MYO1D: variants seen among roughly 807,000 people sequenced by gnomAD.
MYO1D encodes myosin ID.
A neutral mutation model predicts 122.0 loss-of-function variants in MYO1D; 83 were observed. The observed-to-expected ratio is 0.68, with a 90% confidence interval of 0.57 to 0.82. The LOEUF (loss-of-function observed/expected upper bound fraction) is 0.82. MYO1D is among the 40% of genes least tolerant of loss of function. The pLI, the probability that MYO1D is intolerant of heterozygous loss-of-function variation, is 0.00. For synonymous variants in MYO1D, 464 were observed against 446.9 expected (o/e 1.04, Z -0.48); for missense variants, 1,157 against 1,269.5 (o/e 0.91, Z 1.35).
chr17:32,614,852 C>T (rs773792516), intron 20 of MYO1D, among the ~76,000 whole-genome samples: 1 of 152,200 alleles, frequency 6.6e-6, no homozygotes, highest in Non-Finnish European at 1.5e-5. Context: ...TCAGAGGGGT[C>T]GTGTGCAGGT....
chr17:32,825,132 A>G (rs1329524016), intron 1 of MYO1D, among the ~76,000 whole-genome samples: 2 of 152,220 alleles, frequency 1.3e-5, no homozygotes, highest in Non-Finnish European at 2.9e-5. Flanking sequence ...TGAAAATGTG[A>G]TATTAGAAAT....
chr17:32,706,645 CAGCT>C (rs2150983649), intron 16 of MYO1D, among the ~76,000 whole-genome samples: 1 of 152,158 alleles, frequency 6.6e-6, no homozygotes, highest in East Asian at 1.9e-4. Flanking sequence ...AAAATTAAAA[CAGCT>C]AGTTATTCGC....
chr17:32,789,418 G>A (rs1163516205), intron 1 of MYO1D, among the ~76,000 whole-genome samples: 4 of 152,020 alleles, frequency 2.6e-5, no homozygotes, highest in African/African-American at 9.7e-5. Flanking sequence ...ACAGATGTGA[G>A]GTATCTGATA....
chr17:32,776,039 A>G lies in MYO1D; in HGVS notation c.399-10T>C, dbSNP rs372864122. On this transcript the variant is annotated splice_polypyrimidine_tract_variant and intron_variant, in intron 3 of 21. Coordinates refer to ENST00000318217, the MANE Select transcript of MYO1D (RefSeq NM_015194.3). ...CAACATATTCTTCACTCTTTAACACAGATAAATGAAAGTCATTATAAAAAC... is the reference window on the plus strand; with the variant it reads ...CAACATATTCTTCACTCTTTAACACGGATAAATGAAAGTCATTATAAAAAC... 5 of 1,603,988 alleles carry G rather than the reference A, an allele frequency of 3.1e-6. No individual in the cohort carries two copies. Among genetic ancestry groups the G allele is most frequent in the Non-Finnish European group, 4.2e-6 (5 of 1,177,326 alleles).
intron 14 of MYO1D, chr17:32,734,683 T>C (rs1312118508): frequency 1.3e-5 from 2 of 152,166 alleles, no homozygotes; most frequent in Non-Finnish European, 2.9e-5. Context: ...AGAGTACTTT[T>C]AAAGTTCCAA....
chr17:32,527,577 G>A (rs915175715), intron 21 of MYO1D, among the ~76,000 whole-genome samples: 4 of 152,110 alleles, frequency 2.6e-5, no homozygotes, highest in African/African-American at 7.2e-5. Flanking sequence ...AGGATCGCTT[G>A]AGCCCAGGAG....
At chr17:32,602,146 T>C (rs1009615441) in intron 21 of MYO1D, among the ~76,000 whole-genome samples, 1 of 152,226 alleles carries the variant, frequency 6.6e-6, no homozygotes, top group Non-Finnish European at 1.5e-5. Flanking sequence ...TGGGTCTTTT[T>C]CTTACATCTT....
intron 1 of MYO1D, among the ~76,000 whole-genome samples, chr17:32,864,523 C>A (rs567606013): frequency 1.6e-5 from 2 of 122,966 alleles, no homozygotes; most frequent in South Asian, 5.2e-4. Context: ...CGGTGTCTAG[C>A]TTCACATGTC....
chr17:32,734,800 T>A (rs2089678957), intron 14 of MYO1D: 1 of 152,120 alleles, frequency 6.6e-6, no homozygotes, highest in Non-Finnish European at 1.5e-5. Context: ...CTGAGCATGG[T>A]GGCTCACATC....
chr17:32,780,814 T>A, intron 1 of MYO1D, 30 bp from the exon 2 acceptor site: 1 of 1,600,768 alleles, frequency 6.2e-7, no homozygotes, highest in Non-Finnish European at 8.6e-7. Flanking sequence ...AAGGAAGACG[T>A]AGCTGTGGTT....
At chr17:32,636,945 C>T (rs760710083) in intron 20 of MYO1D, among the ~76,000 whole-genome samples, 1 of 152,168 alleles carries the variant, frequency 6.6e-6, no homozygotes, top group Non-Finnish European at 1.5e-5. Flanking sequence ...ACAGCATCTG[C>T]AACGGGGTGT....
chr17:32,651,923 G>A (rs754866754), intron 19 of MYO1D, among the ~76,000 whole-genome samples: 1 of 151,974 alleles, frequency 6.6e-6, no homozygotes, highest in Admixed American at 6.6e-5. Context: ...TGATCCACCC[G>A]CCTCGGCCTT....
At chr17:32,712,537 G>A (rs1357851108) in intron 15 of MYO1D, among the ~76,000 whole-genome samples, 2 of 152,060 alleles carry the variant, frequency 1.3e-5, no homozygotes, top group African/African-American at 4.8e-5. Flanking sequence ...GGTCCTGCTC[G>A]GCATTGCTCT....
At chr17:32,532,046 T>C (rs1910521291) in intron 21 of MYO1D, among the ~76,000 whole-genome samples, 2 of 152,192 alleles carry the variant, frequency 1.3e-5, no homozygotes, top group Non-Finnish European at 2.9e-5. Flanking sequence ...AGCTAATCCT[T>C]TGTGCTACAG....
chr17:32,837,283 C>CTTT (rs10692549), intron 1 of MYO1D, among the ~76,000 whole-genome samples: 66,153 of 131,686 alleles, frequency 0.5, 16,933 homozygotes, highest in East Asian at 0.72. Flanking sequence ...GGCTGTTTGT[C>CTTT]TTTTTTTTTC....
chr17:32,532,948 T>C (rs1032644921), intron 21 of MYO1D, among the ~76,000 whole-genome samples: 4 of 152,154 alleles, frequency 2.6e-5, no homozygotes, highest in Admixed American at 2.0e-4. Context: ...GTTTTTCAAA[T>C]CATTGAATTC....
intron 19 of MYO1D, among the ~76,000 whole-genome samples, chr17:32,649,658 AC>A (rs2088359840): frequency 7.7e-6 from 1 of 130,682 alleles, no homozygotes; most frequent in Admixed American, 9.0e-5. Context: ...TGCAACCTCC[AC>A]CCCCCGGGTT....
intron 21 of MYO1D, among the ~76,000 whole-genome samples, chr17:32,528,276 C>T (rs1216508688): frequency 1.3e-5 from 2 of 152,232 alleles, no homozygotes; most frequent in African/African-American, 2.4e-5. Flanking sequence ...CTAGCCTCCT[C>T]TGCCCTTTGG....
intron 14 of MYO1D, among the ~76,000 whole-genome samples, chr17:32,737,389 C>T (rs1215252283): frequency 6.7e-6 from 1 of 149,290 alleles, no homozygotes; most frequent in Admixed American, 6.6e-5. Context: ...GAGACAAGGT[C>T]CTGCTCTATC....
Sources: allele counts gnomAD v4.1 joint callset (sites outside exome capture counted in the v4.1 genomes callset), GRCh38; gene constraint gnomAD v4.1.1; transcripts MANE v1.5; gene names NCBI Gene and HGNC (gene_info 2026-07-23, HGNC 2026-07-21).